CFAP54: variants seen among roughly 807,000 people sequenced by gnomAD.
The protein encoded by CFAP54 is cilia and flagella associated protein 54, also known as cilia- and flagella-associated protein 54.
A neutral mutation model predicts 370.4 loss-of-function variants in CFAP54; 290 were observed. The observed-to-expected ratio is 0.78, with a 90% CI of 0.71 to 0.86. The LOEUF (loss-of-function observed/expected upper bound fraction) is 0.86. Ranked by LOEUF, CFAP54 falls within the 40% of genes least tolerant of loss-of-function variation. The pLI is 0.00. For synonymous variants in CFAP54, 1,206 were observed against 1,236.5 expected (o/e 0.98, Z 0.52); for missense variants, 3,399 against 3,528.7 (o/e 0.96, Z 0.93).
Position 96,827,143 on chromosome 12 carries a change from T to C in CFAP54, c.9097-1871T>C, listed in dbSNP as rs943593635. 4.9e-5 allele frequency among the ~76,000 whole-genome samples: 4 copies of C among 81,710 alleles called. No homozygotes were observed. In the South Asian group the frequency reaches 1.2e-3, roughly 24 times the overall value. 53.6% of individuals were successfully genotyped at this position (81,710 alleles called of 152,430 possible). A position where few individuals can be genotyped will look rare whatever the true frequency, so the allele number is the denominator to read the frequency against. On this transcript the variant is annotated intron_variant, in intron 65 of 67. Coordinates refer to ENST00000524981, the MANE Select transcript of CFAP54 (RefSeq NM_001306084.2). ...TAATGTGCAATTATATGTGATTATA[T>C]ATAATGTGCAATTATATGTGATTAT...
intron 66 of CFAP54, among the ~76,000 whole-genome samples, chr12:96,860,377 G>A (rs938494247): frequency 6.6e-6 from 1 of 152,112 alleles, no homozygotes; most frequent in Admixed American, 6.6e-5. Context: ...GACTTTGGCT[G>A]TACTAGCTCT....
intron 1 of CFAP54, among the ~76,000 whole-genome samples, chr12:96,491,230 T>C (rs1954880964): frequency 6.6e-6 from 1 of 152,076 alleles, no homozygotes; most frequent in Non-Finnish European, 1.5e-5. Flanking sequence ...ATGGGAGCAA[T>C]TGATGAGGAT....
intron 5 of CFAP54, among the ~76,000 whole-genome samples, chr12:96,513,908 C>A (rs994788954): frequency 5.9e-5 from 9 of 152,172 alleles, no homozygotes. Flanking sequence ...AACTCTAACC[C>A]AGTTGCATGA....
chr12:96,779,125 A>C (rs915088875), intron 60 of CFAP54, among the ~76,000 whole-genome samples: 32 of 146,704 alleles, frequency 2.2e-4, no homozygotes, highest in African/African-American at 5.8e-4. Flanking sequence ...AAAAAAAAAA[A>C]CCCACAAATT....
intron 15 of CFAP54, among the ~76,000 whole-genome samples, chr12:96,550,225 G>GTGA (rs367980759): frequency 3.9e-5 from 6 of 152,104 alleles, no homozygotes; most frequent in African/African-American, 9.7e-5. Context: ...GGTAGTGATG[G>GTGA]TGATGATGAT....
chr12:96,670,564 T>C (rs1957132786), intron 39 of CFAP54, among the ~76,000 whole-genome samples: 1 of 152,132 alleles, frequency 6.6e-6, no homozygotes. Flanking sequence ...GTACTCAAGA[T>C]AAAGAGGTAC....
chr12:96,811,236 G>A (rs1385001816), intron 63 of CFAP54, among the ~76,000 whole-genome samples: 1 of 152,170 alleles, frequency 6.6e-6, no homozygotes, highest in Non-Finnish European at 1.5e-5. Flanking sequence ...AAACAACAGG[G>A]AAATTACTAG....
At chr12:96,547,434 C>T (rs1348913867) in intron 14 of CFAP54, among the ~76,000 whole-genome samples, 11 of 152,098 alleles carry the variant, frequency 7.2e-5, no homozygotes, top group Non-Finnish European at 8.8e-5. Context: ...TATCTACTTG[C>T]CTCGGCATCC....
intron 45 of CFAP54, among the ~76,000 whole-genome samples, chr12:96,694,421 A>G (rs1029453173): frequency 6.6e-6 from 1 of 152,112 alleles, no homozygotes; most frequent in Non-Finnish European, 1.5e-5. Flanking sequence ...TCAATATCCA[A>G]CAAATATGCT....
chr12:96,609,483 C>T (rs992768446), intron 26 of CFAP54, among the ~76,000 whole-genome samples: 4 of 152,088 alleles, frequency 2.6e-5, no homozygotes, highest in African/African-American at 4.8e-5. Flanking sequence ...AAATATCATA[C>T]TGAATGGCAA....
At chr12:96,534,387 T>C (rs963604707) in intron 11 of CFAP54, among the ~76,000 whole-genome samples, 160 bp downstream of exon 11, 5 of 152,172 alleles carry the variant, frequency 3.3e-5, no homozygotes, top group African/African-American at 1.2e-4. Flanking sequence ...TGGGGGTATG[T>C]GTGACCAAGT....
chr12:96,499,900 C>T (rs966985665), intron 1 of CFAP54, among the ~76,000 whole-genome samples: 6 of 151,788 alleles, frequency 4.0e-5, no homozygotes, highest in Non-Finnish European at 5.9e-5. Context: ...GAGCCAAGAT[C>T]GTGCCACTGC....
At chr12:96,700,193 G>A (rs970477429) in intron 46 of CFAP54, 100 bp downstream of exon 46, 2 of 1,300,904 alleles carry the variant, frequency 1.5e-6, no homozygotes, top group African/African-American at 1.5e-5. Flanking sequence ...ACAATCTCTG[G>A]TATTTTAGCC....
chr12:96,698,572 C>T (rs1040092675), intron 45 of CFAP54, among the ~76,000 whole-genome samples: 1 of 152,122 alleles, frequency 6.6e-6, no homozygotes, highest in Non-Finnish European at 1.5e-5. Flanking sequence ...CAGACTAACC[C>T]AGGAACAGAA....
rs547515770 is a variant in CFAP54 at position 96,580,281 on chromosome 12, A to G, written c.2797-316A>G. ...TCTCCATTTCCTGTGAAGCAAAATGACAATAGTAATCCCATCTCATAGAGT... is the reference window on the plus strand; with the variant it reads ...TCTCCATTTCCTGTGAAGCAAAATGGCAATAGTAATCCCATCTCATAGAGT... On this transcript the variant is annotated intron_variant, in intron 20 of 67. Transcript: ENST00000524981. Among the ~76,000 whole-genome samples the G allele has an allele frequency of 4.6e-5, 7 of 152,242 alleles. 1 individual carries two copies. Among genetic ancestry groups the G allele is most frequent in the African/African-American group, 1.4e-4 (6 of 41,566 alleles).
At chr12:96,860,973 ATTG>A (rs1199444527) in intron 67 of CFAP54, 21 bp downstream of exon 67, 15 of 1,453,444 alleles carry the variant, frequency 1.0e-5, no homozygotes, top group African/African-American at 7.2e-5. Flanking sequence ...ACAGGATTTA[ATTG>A]TTGTTGTTTC....
intron 66 of CFAP54, among the ~76,000 whole-genome samples, chr12:96,832,115 T>C (rs1221814125): frequency 1.3e-5 from 2 of 152,148 alleles, no homozygotes; most frequent in Admixed American, 6.5e-5. Flanking sequence ...TCATGAGATC[T>C]GATGGTTTTA....
chr12:96,721,682 T>C (rs536649625), intron 50 of CFAP54, among the ~76,000 whole-genome samples: 77 of 152,332 alleles, frequency 5.1e-4, no homozygotes, highest in African/African-American at 1.8e-3. Flanking sequence ...AAAAATAAGT[T>C]TGTGCACTTT....
rs574260401 is a variant in CFAP54, at chr12:96,698,419, A to G, written c.6352-1552A>G. On this transcript the variant is annotated intron_variant, in intron 45 of 67. Transcript: ENST00000524981. ...CTATTCACAATAGCAAAGACATGAA[A>G]TAAACCTAAATGCCTATCATTGTTA... Among the ~76,000 whole-genome samples, 19 of 152,328 alleles carry G rather than the reference A, an allele frequency of 1.2e-4. No individual in the cohort carries two copies. The South Asian group carries it at 2.7e-3, about 22-fold the overall frequency.
Sources: gnomAD v4.1 joint callset for allele counts (sites outside exome capture counted in the v4.1 genomes callset) on GRCh38, gnomAD v4.1.1 for gene constraint, MANE v1.5 for transcripts, NCBI Gene and HGNC (gene_info 2026-07-23, HGNC 2026-07-21) for gene names.